The following SLC20A1 variants were observed in gnomAD, a reference collection of about 807,000 sequenced individuals.
SLC20A1 encodes solute carrier family 20 member 1, also known as sodium-dependent phosphate transporter 1.
SLC20A1 carries 28 observed loss-of-function variants against 62.7 expected under a neutral mutation model. The ratio of observed to expected loss-of-function variants is 0.45; its 90% CI spans 0.33 to 0.61. The LOEUF is 0.61. SLC20A1 is among the 20% of genes least tolerant of loss of function. The pLI, the probability that SLC20A1 is intolerant of heterozygous loss-of-function variation, is 0.02. For synonymous variants in SLC20A1, 305 were observed against 302.9 expected (o/e 1.01, Z -0.07); for missense variants, 673 against 838.6 (o/e 0.80, Z 2.44).
At chr2:112,655,907 G>C (rs1411385156) in intron 5 of SLC20A1, among the ~76,000 whole-genome samples, 1 of 151,840 alleles carries the variant, frequency 6.6e-6, no homozygotes, top group Non-Finnish European at 1.5e-5. Context: ...CACCATGTTG[G>C]CCAGGCTGGT....
chr2:112,660,017 A>G (rs753743216), intron 8 of SLC20A1, among the ~76,000 whole-genome samples: 8 of 152,280 alleles, frequency 5.3e-5, no homozygotes, highest in Non-Finnish European at 1.0e-4. Context: ...TTGTCCATCA[A>G]GATGAGATTC....
chr2:112,646,746 G>C lies in SLC20A1; in HGVS notation c.-83G>C, dbSNP rs549748005. 2 of 743,540 alleles carry C rather than the reference G, an allele frequency of 2.7e-6. No homozygotes were observed. Among genetic ancestry groups the C allele is most frequent in the Non-Finnish European group, 4.3e-6 (2 of 466,874 alleles). The allele number at this position is 743,540 out of a possible 1,614,324, so 46.1% of individuals were successfully genotyped here. On this transcript the variant is annotated 5_prime_UTR_variant, in exon 2 of 11. Transcript: ENST00000272542. ...TATATAATATATATTATTTATTATA[G>C]CATTTTTGATACCTCATATTCTGTT...
Position 112,659,131 on chromosome 2 carries a change from C to T in SLC20A1, c.1048+37C>T. On this transcript the variant is annotated intron_variant, in intron 7 of 10. Transcript: ENST00000272542. ...TTCCTGGTTTCACTTTTGTTACCTG[C>T]AGTGGTGAGGAGGCTTATTGTTTTG... 3 of 1,609,100 alleles carry T rather than the reference C, an allele frequency of 1.9e-6. No individual in the cohort carries two copies. In the South Asian group the frequency reaches 3.3e-5, roughly 18 times the overall value.
Position 112,659,629 on chromosome 2 carries a change from G to T in SLC20A1, c.1474G>T (p.Asp492Tyr). The T allele has an allele frequency of 6.2e-7, 1 of 1,614,190 alleles. No individual in the cohort carries two copies. The highest frequency in any genetic ancestry group is 8.5e-7 in the Non-Finnish European group (1 of 1,180,020). ...MSVKAEMGLG[D>Y]RKGSNGSLEE... ...TGTCAAGGCAGAGATGGGTCTAGGT[G>T]ACAGAAAAGGAAGTAATGGCTCTCT... is the stretch of plus-strand genomic sequence containing the variant. The change falls in exon 8 of 11, where the codon GAC becomes TAC. Residue 492 changes from aspartate to tyrosine, a missense_variant. By Grantham distance (160) the Asp-to-Tyr change is radical. Coordinates refer to ENST00000272542, the MANE Select transcript of SLC20A1 (RefSeq NM_005415.5).
Position 112,660,698 on chromosome 2 carries a change from C to CA in SLC20A1, c.1793+127dup, listed in dbSNP as rs1296134714. 6 of 551,642 alleles carry CA rather than the reference C, an allele frequency of 1.1e-5. No homozygotes were observed. The African/African-American group carries it at 1.4e-4, about 13-fold the overall frequency. The allele number at this position is 551,642 out of a possible 1,614,324, so 34.2% of individuals were successfully genotyped here. On this transcript the variant is annotated intron_variant, in intron 9 of 10. Coordinates refer to ENST00000272542, the MANE Select transcript of SLC20A1 (RefSeq NM_005415.5). Reference sequence around the variant, plus strand: ...TATAAGTTCATGATGTTCTTATTGTCATTGTTCTTTTTAGATTTTACTTGT... The same window carrying CA: ...TATAAGTTCATGATGTTCTTATTGTCAATTGTTCTTTTTAGATTTTACTTGT...
At chr2:112,655,394 A>G (rs1017049336) in intron 5 of SLC20A1, among the ~76,000 whole-genome samples, 1 of 152,112 alleles carries the variant, frequency 6.6e-6, no homozygotes, top group Non-Finnish European at 1.5e-5. Context: ...GTTTATAGGT[A>G]CATAACCTCA....
intron 10 of SLC20A1, among the ~76,000 whole-genome samples, chr2:112,662,225 A>G (rs978050460): frequency 6.6e-6 from 1 of 152,230 alleles, no homozygotes; most frequent in African/African-American, 2.4e-5. Context: ...ATTGTTTATT[A>G]GGTTTAATAT....
rs770211727 is a variant in SLC20A1, at chr2:112,647,411, C to T, written c.422C>T (p.Ser141Phe). ...HCIVGATIGF[S>F]LVAKGQEGVK... ...ATTGTTGGTGCAACTATTGGTTTCT[C>T]CCTCGTGGCAAAGGGGCAGGAGGGT... Residue 141 changes from serine to phenylalanine, a missense_variant, in exon 3 of 11, where the codon TCC becomes TTC. Ser to Phe is a radical substitution (Grantham distance 155). Coordinates refer to ENST00000272542, the MANE Select transcript of SLC20A1 (RefSeq NM_005415.5). 2 of 1,613,994 alleles carry T rather than the reference C, an allele frequency of 1.2e-6. No individual in the cohort carries two copies. The highest frequency in any genetic ancestry group is 1.1e-5 in the South Asian group (1 of 91,084).
chr2:112,650,107 G>A (rs747258795), intron 4 of SLC20A1, among the ~76,000 whole-genome samples: 4 of 152,164 alleles, frequency 2.6e-5, no homozygotes, highest in South Asian at 4.1e-4. Flanking sequence ...ACAACTTTGC[G>A]TAGAGAATAC....
intron 5 of SLC20A1, among the ~76,000 whole-genome samples, chr2:112,654,895 CAAA>C (rs199529152): frequency 6.2e-5 from 7 of 112,298 alleles, no homozygotes; most frequent in African/African-American, 1.7e-4. Flanking sequence ...GATGCTGTCT[CAAA>C]AAAAAAAAAA....
At chr2:112,652,562 A>G in intron 4 of SLC20A1, 140 bp from the exon 5 acceptor site, 1 of 655,088 alleles carries the variant, frequency 1.5e-6, no homozygotes, top group South Asian at 2.0e-5. Flanking sequence ...CAAATGCAGG[A>G]AAAACTCTGT....
At chr2:112,654,329 C>G (rs889183212) in intron 5 of SLC20A1, among the ~76,000 whole-genome samples, 1 of 152,114 alleles carries the variant, frequency 6.6e-6, no homozygotes, top group Non-Finnish European at 1.5e-5. Context: ...AAAAAGTCTC[C>G]CATGATGCTC....
rs1686800851 is a variant in SLC20A1 at position 112,663,346 on chromosome 2, G to GATC, written c.*322_*323insTCA. 9 of 371,430 alleles carry GATC rather than the reference G, an allele frequency of 2.4e-5. No homozygotes were observed. Among genetic ancestry groups the GATC allele is most frequent in the South Asian group, 2.0e-4 (9 of 44,904 alleles). 23.0% of individuals were successfully genotyped at this position (371,430 alleles called of 1,614,324 possible). On this transcript the variant is annotated 3_prime_UTR_variant, in exon 11 of 11. Coordinates refer to ENST00000272542, the MANE Select transcript of SLC20A1 (RefSeq NM_005415.5). ...ATGTTTTAATGTTGTCTCTGAAGAT[G>GATC]ACTTGTGATTTTTTTTTCTTTTTTT... is the stretch of plus-strand genomic sequence containing the variant.
At chr2:112,656,188 CTTTTTTTTTT>C (rs367841545) in intron 5 of SLC20A1, among the ~76,000 whole-genome samples, 33 of 90,584 alleles carry the variant, frequency 3.6e-4, no homozygotes, top group African/African-American at 1.4e-3. Flanking sequence ...AAAGACAAAA[CTTTTTTTTTT>C]TTTTTTTTTT....
chr2:112,647,877 T>A (rs1215256001), intron 4 of SLC20A1, 139 bp downstream of exon 4: 3 of 707,184 alleles, frequency 4.2e-6, no homozygotes, highest in Non-Finnish European at 7.3e-6. Context: ...TTCTGTGCAT[T>A]TCTTGTATGT....
At chr2:112,658,393 G>C (rs1323053832) in intron 6 of SLC20A1, 1 of 154,364 alleles carries the variant, frequency 6.5e-6, no homozygotes, top group Non-Finnish European at 1.4e-5. Flanking sequence ...ACTGAAATTT[G>C]AGAGAATCCT....
intron 9 of SLC20A1, 82 bp from the exon 10 acceptor site, chr2:112,661,060 G>T: frequency 1.0e-6 from 1 of 962,042 alleles, no homozygotes; most frequent in Non-Finnish European, 1.7e-6. Context: ...AACAAAGCAG[G>T]ACTGTGTTAA....
chr2:112,660,636 C>T (rs1250040404), intron 9 of SLC20A1, 64 bp downstream of exon 9: 17 of 1,355,852 alleles, frequency 1.3e-5, no homozygotes, highest in South Asian at 5.6e-5. Flanking sequence ...ATAACACTGT[C>T]GAGTGCTAAC....
chr2:112,655,114 G>A (rs1270991917), intron 5 of SLC20A1, among the ~76,000 whole-genome samples: 3 of 151,528 alleles, frequency 2.0e-5, no homozygotes, highest in African/African-American at 7.3e-5. Flanking sequence ...GATTACACAT[G>A]TGCATCACCA....
Sources: gnomAD v4.1 joint callset for allele counts (sites outside exome capture counted in the v4.1 genomes callset) on GRCh38, gnomAD v4.1.1 for gene constraint, MANE v1.5 for transcripts, NCBI Gene and HGNC (gene_info 2026-07-23, HGNC 2026-07-21) for gene names.